Variants in FAM167A observed in about 807,000 individuals in gnomAD.
FAM167A encodes the protein family with sequence similarity 167 member A, also known as protein FAM167A.
Under a neutral mutation model 14.9 loss-of-function variants are expected in FAM167A, and 23 were observed. That is an observed-to-expected ratio of 1.55 (90% CI 1.11 to 2.19). FAM167A has a LOEUF of 2.19. Among genes scored for constraint, FAM167A ranks in the 30% most tolerant of loss-of-function variants. FAM167A has a pLI of 0.00. For synonymous variants in FAM167A, 174 were observed against 117.7 expected (o/e 1.48, Z -3.10); for missense variants, 401 against 281.5 (o/e 1.42, Z -3.04).
intron 1 of FAM167A, among the ~76,000 whole-genome samples, chr8:11,448,493 A>C (rs552293750): frequency 1.6e-4 from 24 of 152,242 alleles, no homozygotes; most frequent in African/African-American, 5.5e-4. Flanking sequence ...ACAGATCATG[A>C]CCCTCCAACT....
chr8:11,444,131 G>A lies in FAM167A; in HGVS notation c.281C>T (p.Ser94Phe), dbSNP rs1806625122. The change falls in exon 2 of 3, where the codon TCT becomes TTT. Residue 94 changes from serine (S) to phenylalanine (F), a missense_variant. Ser to Phe is a radical substitution (Grantham distance 155). Transcript: ENST00000284486. ...PLREAGQHPP[S>F]ARSASQGARP... The stretch of plus-strand genomic sequence containing the variant: ...GGCACCTTGGCTGGCACTCCTGGCA[G>A]AAGGGGGGTGCTGCCCAGCCTCTCT... The A allele has an allele frequency of 1.2e-6, 2 of 1,613,110 alleles. No homozygotes were observed. Among genetic ancestry groups the A allele is most frequent in the South Asian group, 1.1e-5 (1 of 91,076 alleles).
intron 2 of FAM167A, among the ~76,000 whole-genome samples, chr8:11,441,247 C>T (rs1380774485): frequency 2.0e-5 from 3 of 152,218 alleles, no homozygotes; most frequent in South Asian, 2.1e-4. Flanking sequence ...TCAGAGCTCC[C>T]GCTTGGGGAT....
Position 11,435,159 on chromosome 8 carries a change from G to A in FAM167A, c.381+8872C>T, listed in dbSNP as rs946847776. ...CTCCAGCCTCCTCTCCCACTCTGAT[G>A]CCCTTGCCCCCACAGGGCAGCCACA... is the stretch of plus-strand genomic sequence containing the variant. On this transcript the variant is annotated intron_variant, in intron 2 of 2. Coordinates refer to ENST00000284486, the MANE Select transcript of FAM167A (RefSeq NM_053279.3). 10 of 456,132 alleles carry A rather than the reference G, an allele frequency of 2.2e-5. No homozygotes were observed. In the East Asian group the frequency reaches 2.8e-4, roughly 13 times the overall value. The allele number at this position is 456,132 out of a possible 1,614,324, so 28.3% of individuals were successfully genotyped here.
At chr8:11,467,767 G>A (rs902044187), upstream of FAM167A, among the ~76,000 whole-genome samples, 1 of 152,240 alleles carries the variant, frequency 6.6e-6, no homozygotes, top group Admixed American at 6.5e-5. Context: ...TCTGGTGCCC[G>A]CGTCCTTCAC....
intron 1 of FAM167A, among the ~76,000 whole-genome samples, chr8:11,463,328 C>G (rs1436695422): frequency 6.6e-6 from 1 of 152,198 alleles, no homozygotes. Flanking sequence ...GAGCTGATCA[C>G]AAGACTAGGG....
chr8:11,439,909 A>C (rs1276135409), intron 2 of FAM167A, among the ~76,000 whole-genome samples: 1 of 152,260 alleles, frequency 6.6e-6, no homozygotes, highest in East Asian at 1.9e-4. Flanking sequence ...GAGTTGGCTG[A>C]TGGACCAAAG....
At chr8:11,426,528 G>T (rs1285957166) in intron 2 of FAM167A, among the ~76,000 whole-genome samples, 1 of 152,220 alleles carries the variant, frequency 6.6e-6, no homozygotes, top group African/African-American at 2.4e-5. Context: ...AACCAAAAGT[G>T]TCTGAGACAG....
At chr8:11,461,139 G>T (rs548269810) in intron 1 of FAM167A, among the ~76,000 whole-genome samples, 3 of 152,232 alleles carry the variant, frequency 2.0e-5, no homozygotes, top group Non-Finnish European at 4.4e-5. Flanking sequence ...CCTGCAAGGC[G>T]GGGAGAAAGC....
Position 11,422,622 on chromosome 8 carries a change from G to A in FAM167A, c.*1751C>T, listed in dbSNP as rs1273287742. 2 of 152,482 alleles carry A rather than the reference G, an allele frequency of 1.3e-5. No homozygotes were observed. The highest frequency in any genetic ancestry group is 1.5e-5 in the Non-Finnish European group (1 of 68,008). 9.4% of individuals were successfully genotyped at this position (152,482 alleles called of 1,614,324 possible). ...GGAGGCATAGAACTTCTGGCTCTTT[G>A]AAATTTTAAAAAAGAGACCAAGTTC... On this transcript the variant is annotated 3_prime_UTR_variant, in exon 3 of 3. Transcript: ENST00000284486.
intron 1 of FAM167A, among the ~76,000 whole-genome samples, chr8:11,459,164 C>G (rs550243789): frequency 2.0e-5 from 3 of 152,072 alleles, no homozygotes; most frequent in African/African-American, 7.2e-5. Context: ...TTTTATTGTG[C>G]CAGGCACTGT....
At chr8:11,427,298 G>C (rs569097853) in intron 2 of FAM167A, among the ~76,000 whole-genome samples, 40 of 152,304 alleles carry the variant, frequency 2.6e-4, no homozygotes, top group African/African-American at 8.9e-4. Flanking sequence ...CAGAGGGCTG[G>C]TTTCTCAGTT....
upstream of FAM167A, chr8:11,467,614 G>C (rs1299636426): frequency 6.6e-6 from 1 of 152,358 alleles, no homozygotes; most frequent in Non-Finnish European, 1.5e-5. Flanking sequence ...GGGCGTGCGC[G>C]CAGGCGCCGC....
chr8:11,432,404 C>G (rs1287227736), intron 2 of FAM167A, among the ~76,000 whole-genome samples: 1 of 152,134 alleles, frequency 6.6e-6, no homozygotes, highest in East Asian at 1.9e-4. Flanking sequence ...AAGAAATGGG[C>G]AAAGGATATG....
intron 1 of FAM167A, among the ~76,000 whole-genome samples, chr8:11,448,863 TCA>T (rs1315559029): frequency 1.8e-4 from 27 of 152,342 alleles, no homozygotes; most frequent in African/African-American, 6.0e-4. Flanking sequence ...GCACCCAGGC[TCA>T]GTCCTTTCCT....
chr8:11,459,634 G>A (rs1215769580), intron 1 of FAM167A, among the ~76,000 whole-genome samples: 2 of 152,212 alleles, frequency 1.3e-5, no homozygotes, highest in African/African-American at 4.8e-5. Flanking sequence ...TCAGCCTAAG[G>A]GAAGTTCTGC....
intron 1 of FAM167A, among the ~76,000 whole-genome samples, chr8:11,460,594 T>A (rs898772541): frequency 1.3e-5 from 2 of 152,256 alleles, no homozygotes; most frequent in African/African-American, 4.8e-5. Context: ...AGCTTCCGTT[T>A]CCACACCTGG....
intron 1 of FAM167A, chr8:11,445,310 C>T: frequency 5.1e-6 from 5 of 986,038 alleles, no homozygotes; most frequent in Non-Finnish European, 6.0e-6. Context: ...CCAGGTGCCA[C>T]TGCCCCCTCA....
intron 1 of FAM167A, among the ~76,000 whole-genome samples, chr8:11,452,119 C>A (rs537176604): frequency 6.6e-6 from 1 of 152,292 alleles, no homozygotes; most frequent in East Asian, 1.9e-4. Flanking sequence ...GGGTGCTGTG[C>A]GACCTCCCAT....
At chr8:11,425,421 G>GA (rs1305402955) in intron 2 of FAM167A, among the ~76,000 whole-genome samples, 2 of 152,196 alleles carry the variant, frequency 1.3e-5, no homozygotes, top group Admixed American at 1.3e-4. Context: ...GACTGACAAT[G>GA]AAGTTCTGCT....
Sources: gnomAD v4.1 joint callset for allele counts (sites outside exome capture counted in the v4.1 genomes callset) on GRCh38, gnomAD v4.1.1 for gene constraint, MANE v1.5 for transcripts, NCBI Gene and HGNC (gene_info 2026-07-23, HGNC 2026-07-21) for gene names.